Variants in MEI4 observed in about 807,000 individuals in gnomAD.
The protein encoded by MEI4 is meiotic double-stranded break formation protein 4.
A neutral mutation model predicts 31.4 loss-of-function variants in MEI4; 27 were observed. The ratio of observed to expected loss-of-function variants is 0.86; its 90% CI spans 0.63 to 1.19. The LOEUF (loss-of-function observed/expected upper bound fraction) is 1.19, where lower values mean the gene tolerates loss of function less well. Among genes scored for constraint, MEI4 ranks in the 50% most tolerant of loss-of-function variants. The pLI, the probability that MEI4 is intolerant of heterozygous loss-of-function variation, is 0.00. For synonymous variants in MEI4, 122 were observed against 145.4 expected, an observed-to-expected ratio of 0.84 and a Z score of 1.16; for missense variants, 329 against 398.9, an observed-to-expected ratio of 0.82 and a Z score of 1.49.
chr6:77,791,666 A>C (rs1768938933), intron 3 of MEI4, among the ~76,000 whole-genome samples: 1 of 141,958 alleles, frequency 7.0e-6, no homozygotes, highest in African/African-American at 2.5e-5. Flanking sequence ...ATGTACCCTA[A>C]AACTTAAAGT....
chr6:77,793,580 G>A (rs137885211), intron 3 of MEI4, among the ~76,000 whole-genome samples: 213 of 152,274 alleles, frequency 1.4e-3, no homozygotes, highest in African/African-American at 4.5e-3. Flanking sequence ...AATTATAGCT[G>A]TAATTTGTTA....
intron 4 of MEI4, among the ~76,000 whole-genome samples, chr6:77,883,745 A>ATATATATCTATCTAT (rs55947073): frequency 6.1e-5 from 5 of 82,302 alleles, no homozygotes; most frequent in African/African-American, 2.5e-4. Flanking sequence ...TATATATATA[A>ATATATATCTATCTAT]CTTTGTCTTT....
chr6:77,922,227 A>C (rs111988072), intron 4 of MEI4, among the ~76,000 whole-genome samples: 1 of 151,658 alleles, frequency 6.6e-6, no homozygotes, highest in Non-Finnish European at 1.5e-5. Flanking sequence ...AAATGTTCCC[A>C]AAGGAGTTTT....
At chr6:77,746,624 C>T (rs895464071) in intron 2 of MEI4, among the ~76,000 whole-genome samples, 1 of 146,950 alleles carries the variant, frequency 6.8e-6, no homozygotes, top group African/African-American at 2.5e-5. Context: ...AAGTCAGTTT[C>T]TTAAAATATA....
intron 3 of MEI4, among the ~76,000 whole-genome samples, chr6:77,790,968 A>G (rs563766574): frequency 1.3e-5 from 2 of 152,318 alleles, no homozygotes; most frequent in Non-Finnish European, 2.9e-5. Flanking sequence ...AATGCAAATC[A>G]AAACCACAAT....
chr6:77,743,743 C>T (rs1278285222), intron 2 of MEI4, among the ~76,000 whole-genome samples: 1 of 152,194 alleles, frequency 6.6e-6, no homozygotes, highest in Non-Finnish European at 1.5e-5. Flanking sequence ...TGACACCTCA[C>T]ATGGCCAGGT....
intron 4 of MEI4, among the ~76,000 whole-genome samples, chr6:77,921,428 T>G (rs1161744758): frequency 6.6e-6 from 1 of 151,826 alleles, no homozygotes; most frequent in African/African-American, 2.4e-5. Context: ...TTTGGTCTTG[T>G]ATTCAGGCCA....
At chr6:77,902,936 G>C (rs1282319439) in intron 4 of MEI4, among the ~76,000 whole-genome samples, 1 of 152,102 alleles carries the variant, frequency 6.6e-6, no homozygotes, top group Non-Finnish European at 1.5e-5. Context: ...CTGTGTCACG[G>C]ATGCATGTGC....
intron 4 of MEI4, among the ~76,000 whole-genome samples, chr6:77,907,635 TCCTTTG>T (rs1766327679): frequency 6.6e-6 from 1 of 152,142 alleles, no homozygotes; most frequent in African/African-American, 2.4e-5. Flanking sequence ...TGTTTTATAA[TCCTTTG>T]GGTATATACC....
chr6:77,679,975 G>A (rs1289479609), intron 1 of MEI4, among the ~76,000 whole-genome samples: 1 of 151,414 alleles, frequency 6.6e-6, no homozygotes, highest in Non-Finnish European at 1.5e-5. Context: ...TCCTGACCTC[G>A]TGATCTGCCC....
At chr6:77,909,137 A>C (rs1263217960) in intron 4 of MEI4, among the ~76,000 whole-genome samples, 1 of 152,142 alleles carries the variant, frequency 6.6e-6, no homozygotes, top group Non-Finnish European at 1.5e-5. Context: ...AAAGAACAGA[A>C]ATTATAATAA....
intron 4 of MEI4, among the ~76,000 whole-genome samples, chr6:77,899,430 A>T (rs1018018846): frequency 6.6e-6 from 1 of 152,038 alleles, no homozygotes; most frequent in African/African-American, 2.4e-5. Context: ...TAATCATGGG[A>T]TTGTAGAATT....
intron 4 of MEI4, among the ~76,000 whole-genome samples, chr6:77,835,961 A>G (rs1459761520): frequency 6.6e-6 from 1 of 152,134 alleles, no homozygotes; most frequent in Non-Finnish European, 1.5e-5. Context: ...TAAATGAAAA[A>G]TAATTTTTAC....
chr6:77,734,958 T>TA (rs1767140719), intron 2 of MEI4, among the ~76,000 whole-genome samples: 2 of 152,010 alleles, frequency 1.3e-5, no homozygotes, highest in Admixed American at 1.3e-4. Context: ...TGTTGAATAT[T>TA]GGCCCCCACT....
chr6:77,827,167 T>C (rs1582189026), intron 3 of MEI4, among the ~76,000 whole-genome samples: 2 of 152,054 alleles, frequency 1.3e-5, no homozygotes, highest in South Asian at 2.1e-4. Flanking sequence ...AAGACCATCC[T>C]GGCTAACACG....
chr6:77,657,909 C>A (rs1301204472), intron 1 of MEI4, among the ~76,000 whole-genome samples: 1 of 152,234 alleles, frequency 6.6e-6, no homozygotes, highest in Admixed American at 6.5e-5. Context: ...TTCACACTAA[C>A]CCACACTAGT....
chr6:77,766,911 C>T lies in MEI4; in HGVS notation c.768+5246C>T, dbSNP rs1561980839. Among the ~76,000 whole-genome samples, 2 of 152,142 alleles carry T rather than the reference C, an allele frequency of 1.3e-5. 1 individual carries two copies. The highest frequency in any genetic ancestry group is 2.9e-5 in the Non-Finnish European group (2 of 68,026). On this transcript the variant is annotated intron_variant, in intron 3 of 4. Transcript: ENST00000684080. The stretch of plus-strand genomic sequence containing the variant: ...TTAGGACATTGTTTTAGTAATAACA[C>T]AGGCTTTTCTTCCTGTGCTAACTTT...
chr6:77,778,493 G>T (rs1454108994), intron 3 of MEI4, among the ~76,000 whole-genome samples: 1 of 151,936 alleles, frequency 6.6e-6, no homozygotes, highest in Non-Finnish European at 1.5e-5. Context: ...CTGAGCCCAG[G>T]AATTGAAGAC....
chr6:77,691,548 C>T (rs1220932939), intron 2 of MEI4, among the ~76,000 whole-genome samples: 2 of 151,988 alleles, frequency 1.3e-5, no homozygotes, highest in Non-Finnish European at 2.9e-5. Context: ...ATATTGCATT[C>T]AGAATACTGC....
Sources: gnomAD v4.1 joint callset for allele counts (sites outside exome capture counted in the v4.1 genomes callset) on GRCh38, gnomAD v4.1.1 for gene constraint, MANE v1.5 for transcripts, NCBI Gene and HGNC (gene_info 2026-07-23, HGNC 2026-07-21) for gene names.